CARD19: variants seen among roughly 807,000 people sequenced by gnomAD.
The protein encoded by CARD19 is caspase recruitment domain-containing protein 19.
In CARD19, 25 loss-of-function variants were observed where a neutral mutation model predicts 24.1. The ratio of observed to expected loss-of-function variants is 1.04; its 90% confidence interval spans 0.76 to 1.45. The LOEUF is 1.45. Ranked by LOEUF, CARD19 falls within the 40% of genes most tolerant of loss-of-function variation. The probability of loss-of-function intolerance (pLI) is 0.00; values close to 1 mark genes in which losing one functional copy is unlikely to be tolerated. For missense variants in CARD19, 241 were observed against 247.4 expected, an observed-to-expected ratio of 0.97 and a Z score of 0.17; for synonymous variants, 103 against 104.9, an observed-to-expected ratio of 0.98 and a Z score of 0.11.
rs748754692 is a variant in CARD19 at position 93,099,233 on chromosome 9, CTT to C, written c.7+2883_7+2884del. Among the ~76,000 whole-genome samples, 20 of 152,298 alleles carry C rather than the reference CTT, an allele frequency of 1.3e-4. No individual in the cohort carries two copies. The East Asian group carries it at 2.9e-3, about 22-fold the overall frequency. ...GCCACCGCGTCCGGCCTGCAGAACT[CTT>C]TAGTGAGCACCTACTGGGTGCTCAG... On this transcript the variant is annotated intron_variant, in intron 1 of 5. Coordinates refer to ENST00000375464, the MANE Select transcript of CARD19 (RefSeq NM_032310.5).
intron 1 of CARD19, among the ~76,000 whole-genome samples, chr9:93,107,124 C>G (rs1303675159): frequency 6.6e-6 from 1 of 152,182 alleles, no homozygotes; most frequent in Non-Finnish European, 1.5e-5. Flanking sequence ...CACAGGCCAC[C>G]CTGAGCCCTG....
chr9:93,111,523 T>C, intron 3 of CARD19: 1 of 1,161,438 alleles, frequency 8.6e-7, no homozygotes, highest in Non-Finnish European at 1.1e-6. Flanking sequence ...GTGCAGACGG[T>C]GGGCGGGGAG....
At position 93,106,572 on chromosome 9, in the gene CARD19, A is replaced by G. The variant is rs59978162; in HGVS notation, c.8-1102A>G. 1.8e-3 allele frequency among the ~76,000 whole-genome samples: 242 copies of G among 137,136 alleles called. 2 individuals are homozygous for G. Among genetic ancestry groups the G allele is most frequent in the African/African-American group, 7.6e-3 (234 of 30,942 alleles). The allele number at this position is 137,136 out of a possible 152,430, so 90.0% of individuals were successfully genotyped here. ...GACAGAGCAAGACTCTATCTCAAAA[A>G]AAAACAAAAAAAAAAAAACAAAGTT... is the stretch of plus-strand genomic sequence containing the variant. On this transcript the variant is annotated intron_variant, in intron 1 of 5. Coordinates refer to ENST00000375464, the MANE Select transcript of CARD19 (RefSeq NM_032310.5).
In CARD19 at chr9:93,110,518, C is replaced by G. The variant is rs551190347; in HGVS notation, c.151-50C>G. ...GACCTTGGTGCCCTGCCCTGACCCACAGCCAGCCCCCCTGGCCTGATCTTC... is the reference window on the plus strand; with the variant it reads ...GACCTTGGTGCCCTGCCCTGACCCAGAGCCAGCCCCCCTGGCCTGATCTTC... On this transcript the variant is annotated intron_variant, in intron 2 of 5. Coordinates refer to ENST00000375464, the MANE Select transcript of CARD19 (RefSeq NM_032310.5). 9 of 1,547,374 alleles carry G rather than the reference C, an allele frequency of 5.8e-6. No individual in the cohort carries two copies. The South Asian group carries it at 1.1e-4, about 19-fold the overall frequency.
At chr9:93,111,530 G>A in intron 3 of CARD19, 1 of 1,179,454 alleles carries the variant, frequency 8.5e-7, no homozygotes, top group Admixed American at 4.1e-5. Context: ...CGGTGGGCGG[G>A]GAGAGCTCGA....
rs1729427039 is a variant in CARD19, at chr9:93,096,419, C to T, written c.7+67C>T. The T allele has an allele frequency of 3.3e-6, 4 of 1,214,802 alleles. No homozygotes were observed. Among genetic ancestry groups the T allele is most frequent in the Non-Finnish European group, 3.1e-6 (3 of 974,576 alleles). 75.3% of individuals were successfully genotyped at this position (1,214,802 alleles called of 1,614,324 possible). The stretch of plus-strand genomic sequence containing the variant: ...TGGATGGGTGGCCCGGCCCGGGGGT[C>T]CGGCTGCCTTGCGAGTCGCCTGCAG... On this transcript the variant is annotated intron_variant, in intron 1 of 5. Coordinates refer to ENST00000375464, the MANE Select transcript of CARD19 (RefSeq NM_032310.5). The surrounding 1 kb of genome is among the most constrained non-coding windows in gnomAD (Gnocchi z 5.4).
chr9:93,111,978 T>C (rs780023161), intron 4 of CARD19, 40 bp downstream of exon 4: 2 of 1,587,432 alleles, frequency 1.3e-6, no homozygotes, highest in East Asian at 2.3e-5. Flanking sequence ...TCTCCCTCTC[T>C]CTCCCTCTCT....
At chr9:93,106,160 G>A (rs954630687) in intron 1 of CARD19, among the ~76,000 whole-genome samples, 1 of 151,408 alleles carries the variant, frequency 6.6e-6, no homozygotes, top group Non-Finnish European at 1.5e-5. Flanking sequence ...TATTTGTATG[G>A]GTTTTTTTTA....
At position 93,113,258 on chromosome 9, in the gene CARD19, C is replaced by G; in HGVS notation, c.*151C>G. 1.8e-6 allele frequency: 1 copy of G among 551,770 alleles called. No homozygotes were observed. Among genetic ancestry groups the G allele is most frequent in the East Asian group, 3.2e-5 (1 of 31,690 alleles). 34.2% of individuals were successfully genotyped at this position (551,770 alleles called of 1,614,324 possible). On this transcript the variant is annotated 3_prime_UTR_variant, in exon 6 of 6. Transcript: ENST00000375464. ...ACACCTTCACCTTACAAGGTGCTGA[C>G]CATATTAAATGTTCAGGTTCTCTCA... is the stretch of plus-strand genomic sequence containing the variant.
At chr9:93,099,214 G>A (rs1826992113) in intron 1 of CARD19, among the ~76,000 whole-genome samples, 1 of 152,172 alleles carries the variant, frequency 6.6e-6, no homozygotes. Context: ...GTGAGCCACC[G>A]CGTCCGGCCT....
Position 93,096,302 on chromosome 9 carries a change from G to A in CARD19, c.-44G>A. ...GCTGACCGAGGGGCGGACGCGCGGC[G>A]GGGCAGACCGCTGGGGACTGCGGGC... On this transcript the variant is annotated 5_prime_UTR_variant, in exon 1 of 6. Coordinates refer to ENST00000375464, the MANE Select transcript of CARD19 (RefSeq NM_032310.5). The surrounding 1 kb of genome is among the most constrained non-coding windows in gnomAD (Gnocchi z 5.4). The A allele has an allele frequency of 8.2e-7, 1 of 1,224,868 alleles. No individual in the cohort carries two copies. The highest frequency in any genetic ancestry group is 1.0e-6 in the Non-Finnish European group (1 of 983,440). The allele number at this position is 1,224,868 out of a possible 1,614,324, so 75.9% of individuals were successfully genotyped here.
chr9:93,099,953 CTG>C (rs1441970027), intron 1 of CARD19, among the ~76,000 whole-genome samples: 1 of 152,228 alleles, frequency 6.6e-6, no homozygotes, highest in Non-Finnish European at 1.5e-5. Context: ...GCAGGTATCT[CTG>C]GGGTTAAGGA....
intron 3 of CARD19, chr9:93,111,259 G>A (rs1827473926): frequency 2.6e-6 from 3 of 1,165,234 alleles, no homozygotes; most frequent in Non-Finnish European, 1.1e-6. Context: ...CAGGCAGTGT[G>A]GACTCAGGCC....
rs865787953 is a variant in CARD19, at chr9:93,096,556, G to T, written c.7+204G>T. Among the ~76,000 whole-genome samples, 93 of 152,318 alleles carry T rather than the reference G, an allele frequency of 6.1e-4. 1 individual carries two copies. In the Middle Eastern group the frequency reaches 0.01, roughly 17 times the overall value. The stretch of plus-strand genomic sequence containing the variant: ...CCCGGGGCTTCTACCCGGCGGGGCC[G>T]TGCCAGCCGAGGCGGTGCCGGGCAT... On this transcript the variant is annotated intron_variant, in intron 1 of 5. Coordinates refer to ENST00000375464, the MANE Select transcript of CARD19 (RefSeq NM_032310.5). This position sits in a 1 kb window ranked among gnomAD's most constrained non-coding sequence, Gnocchi z 5.4.
At chr9:93,111,998 C>T in intron 4 of CARD19, 60 bp downstream of exon 4, 1 of 1,556,362 alleles carries the variant, frequency 6.4e-7, no homozygotes, top group Non-Finnish European at 8.7e-7. Flanking sequence ...TCTTTACCCT[C>T]CCCAGGGCTC....
intron 2 of CARD19, chr9:93,110,344 AC>A: frequency 1.5e-6 from 1 of 672,730 alleles, no homozygotes; most frequent in Non-Finnish European, 2.4e-6. Flanking sequence ...CCAACCTCCC[AC>A]CCCACAGGGA....
chr9:93,111,235 G>A (rs1827472997), intron 3 of CARD19: 1 of 1,176,928 alleles, frequency 8.5e-7, no homozygotes, highest in Non-Finnish European at 1.1e-6. Context: ...TTTCAGTTTT[G>A]AGGCTCCTGT....
Position 93,111,482 on chromosome 9 carries a change from C to G in CARD19, c.305-397C>G. The G allele has an allele frequency of 2.8e-6, 3 of 1,090,426 alleles. No homozygotes were observed. The South Asian group carries it at 8.2e-5, about 30-fold the overall frequency. 67.5% of individuals were successfully genotyped at this position (1,090,426 alleles called of 1,614,324 possible). ...CTACTGGGCTGTGGTCTCTGACCCC[C>G]TGGAGGCCTCCCCACGCCTCACAGA... On this transcript the variant is annotated intron_variant, in intron 3 of 5. Coordinates refer to ENST00000375464, the MANE Select transcript of CARD19 (RefSeq NM_032310.5).
intron 1 of CARD19, among the ~76,000 whole-genome samples, chr9:93,104,810 T>C (rs1477242928): frequency 6.6e-6 from 1 of 152,244 alleles, no homozygotes; most frequent in Non-Finnish European, 1.5e-5. Flanking sequence ...CCTACTTTTA[T>C]TCCTGATACT....
Sources: gnomAD v4.1 joint callset for allele counts (sites outside exome capture counted in the v4.1 genomes callset) on GRCh38, gnomAD v4.1.1 for gene constraint, Gnocchi (gnomAD v3.1) non-coding constraint, MANE v1.5 for transcripts, NCBI Gene and HGNC (gene_info 2026-07-23, HGNC 2026-07-21) for gene names.